The following KANK1 variants were observed in gnomAD, a reference collection of about 807,000 sequenced individuals.
KANK1 encodes KN motif and ankyrin repeat domain-containing protein 1.
Under a neutral mutation model 106.2 loss-of-function variants are expected in KANK1, and 109 were observed. That is an observed-to-expected ratio of 1.03 (90% confidence interval 0.88 to 1.20). The LOEUF is 1.20. Ranked by LOEUF, KANK1 falls within the 50% of genes most tolerant of loss-of-function variation. The pLI is 0.00. For synonymous variants in KANK1, 873 were observed against 652.2 expected (o/e 1.34, Z -5.16); for missense variants, 2,399 against 1,710.7 (o/e 1.40, Z -7.10).
chr9:633,861 A>G (rs990160379), intron 1 of KANK1, among the ~76,000 whole-genome samples: 30 of 152,164 alleles, frequency 2.0e-4, no homozygotes, highest in African/African-American at 6.5e-4. Flanking sequence ...TATGTTGCCC[A>G]GGCTGGGCCC....
At position 535,571 on chromosome 9, in the gene KANK1, A is replaced by C. The variant is rs980768446; in HGVS notation, c.-84+30817A>C. On this transcript the variant is annotated intron_variant, in intron 1 of 11. Transcript: ENST00000382297. ...ACAGGGCTAAAATTAGTAACATGTA[A>C]GGAAAATGGCTTTACTCTCAGCGTG... 2.0e-5 allele frequency among the ~76,000 whole-genome samples: 3 copies of C among 152,328 alleles called. No individual in the cohort carries two copies. The South Asian group carries it at 6.2e-4, about 32-fold the overall frequency.
At chr9:502,766 T>A (rs1424404229), upstream of KANK1, among the ~76,000 whole-genome samples, 1 of 152,118 alleles carries the variant, frequency 6.6e-6, no homozygotes, top group Non-Finnish European at 1.5e-5. Context: ...CCTCAAGTGA[T>A]CCACCCATCT....
At chr9:512,815 A>G (rs902907655) in intron 1 of KANK1, among the ~76,000 whole-genome samples, 3 of 152,214 alleles carry the variant, frequency 2.0e-5, no homozygotes, top group Admixed American at 6.5e-5. Context: ...CTGCTAAGGA[A>G]GAAGTGGAAT....
chr9:741,905 C>T (rs950759939), intron 9 of KANK1, among the ~76,000 whole-genome samples: 1 of 152,120 alleles, frequency 6.6e-6, no homozygotes, highest in Non-Finnish European at 1.5e-5. Flanking sequence ...AGGCGTGACC[C>T]ACCACTCCAG....
At chr9:625,356 G>A (rs1055514769) in intron 1 of KANK1, among the ~76,000 whole-genome samples, 1 of 152,188 alleles carries the variant, frequency 6.6e-6, no homozygotes, top group African/African-American at 2.4e-5. Context: ...AAGAACTTGA[G>A]TCCAACAAAA....
At chr9:577,550 G>T (rs1431127673) in intron 1 of KANK1, among the ~76,000 whole-genome samples, 1 of 152,168 alleles carries the variant, frequency 6.6e-6, no homozygotes, top group Non-Finnish European at 1.5e-5. Context: ...CGACCCAGAA[G>T]CTCAGCCGGC....
At chr9:478,526 A>G (rs373868894) in intron 3 of KANK1, 1 of 152,296 alleles carries the variant, frequency 6.6e-6, no homozygotes, top group Non-Finnish European at 1.5e-5. Context: ...AGACATTGCT[A>G]AAAGATGTCA....
chr9:541,079 T>C (rs2060570326), intron 1 of KANK1, among the ~76,000 whole-genome samples: 1 of 152,044 alleles, frequency 6.6e-6, no homozygotes, highest in South Asian at 2.1e-4. Context: ...TTCCTTGTAG[T>C]GCTGCTTTTG....
chr9:544,678 G>T (rs1393998684), intron 1 of KANK1, among the ~76,000 whole-genome samples: 2 of 152,104 alleles, frequency 1.3e-5, no homozygotes, highest in Non-Finnish European at 2.9e-5. Context: ...TTAATGGGAG[G>T]TGGAGGTCGT....
intron 1 of KANK1, among the ~76,000 whole-genome samples, chr9:617,982 T>G (rs760100982): frequency 6.6e-6 from 1 of 152,190 alleles, no homozygotes; most frequent in Non-Finnish European, 1.5e-5. Context: ...CCACACTTAC[T>G]GTGGGCAGTT....
At chr9:667,912 A>G (rs1203804540) in intron 1 of KANK1, among the ~76,000 whole-genome samples, 1 of 151,632 alleles carries the variant, frequency 6.6e-6, no homozygotes, top group African/African-American at 2.4e-5. Flanking sequence ...TTGTATTTTT[A>G]ATGAGACAGG....
chr9:602,458 C>T (rs918406241), intron 1 of KANK1, among the ~76,000 whole-genome samples: 1 of 151,544 alleles, frequency 6.6e-6, no homozygotes, highest in Admixed American at 6.6e-5. Flanking sequence ...TGTGGTTTCA[C>T]CATGTTGGCC....
intron 2 of KANK1, among the ~76,000 whole-genome samples, chr9:678,283 C>T (rs1436374236): frequency 1.3e-5 from 2 of 152,112 alleles, no homozygotes; most frequent in Admixed American, 1.3e-4. Context: ...ATTCATTGAA[C>T]ACTTAAATGC....
chr9:713,275 C>T lies in KANK1; in HGVS notation c.2509C>T (p.Gln837Ter). The T allele has an allele frequency of 6.2e-7, 1 of 1,613,076 alleles. No individual in the cohort carries two copies. The highest frequency in any genetic ancestry group is 2.2e-5 in the East Asian group (1 of 44,880). Residue 837 changes from glutamine (Q) to a stop codon, truncating the protein, a stop_gained, in exon 3 of 12, where the codon CAG (glutamine) becomes TAG (stop). Transcript: ENST00000382297. LOFTEE classifies it high-confidence loss of function. ...GCGTATCCAGAAGCTGCTGGCAGAA[C>T]AGCAGACACTGCTGGCTGAGAACTA... is the stretch of plus-strand genomic sequence containing the variant. The part of the protein sequence containing the change: ...IERIQKLLAE[Q>*]QTLLAENYSE...
intron 2 of KANK1, among the ~76,000 whole-genome samples, chr9:678,674 C>T (rs913398052): frequency 1.2e-4 from 18 of 152,148 alleles, no homozygotes; most frequent in African/African-American, 4.3e-4. Context: ...TGCAGTGGGC[C>T]CAGATTGCAC....
At chr9:735,025 G>C (rs1280146157) in intron 7 of KANK1, among the ~76,000 whole-genome samples, 190 bp downstream of exon 7, 4 of 152,142 alleles carry the variant, frequency 2.6e-5, no homozygotes, top group Non-Finnish European at 5.9e-5. Context: ...GTTTCCTTGA[G>C]GCCCAACTTC....
chr9:473,303 A>G (rs1422937648), intron 3 of KANK1: 1 of 152,216 alleles, frequency 6.6e-6, no homozygotes, highest in African/African-American at 2.4e-5. Flanking sequence ...AAACCCATGT[A>G]ATATCCCTGC....
intron 1 of KANK1, among the ~76,000 whole-genome samples, chr9:535,634 A>G (rs1457399392): frequency 6.6e-6 from 1 of 152,244 alleles, no homozygotes; most frequent in Admixed American, 6.5e-5. Context: ...GCTGAGTGAC[A>G]GAGTTGTCCC....
intron 3 of KANK1, among the ~76,000 whole-genome samples, chr9:714,109 A>G (rs1035869141): frequency 6.6e-6 from 1 of 152,132 alleles, no homozygotes; most frequent in African/African-American, 2.4e-5. Context: ...TATTACTTGG[A>G]TTCCTACTCT....
Sources: gnomAD v4.1 joint callset for allele counts (sites outside exome capture counted in the v4.1 genomes callset) on GRCh38, gnomAD v4.1.1 for gene constraint, MANE v1.5 for transcripts, NCBI Gene and HGNC (gene_info 2026-07-23, HGNC 2026-07-21) for gene names.